XYLT1: variants seen among roughly 807,000 people sequenced by gnomAD.
XYLT1 encodes the protein xylosyltransferase 1, also known as beta-D-xylosyltransferase 1.
XYLT1 carries 36 observed loss-of-function variants against 91.3 expected under a neutral mutation model. That is an observed-to-expected ratio of 0.39 (90% CI 0.30 to 0.52). The LOEUF is 0.52. Among genes scored for constraint, XYLT1 ranks in the 20% least tolerant of loss-of-function variants. The pLI is 0.68. For synonymous variants in XYLT1, 588 were observed against 532.0 expected (o/e 1.11, Z -1.45); for missense variants, 1,242 against 1,284.5 (o/e 0.97, Z 0.51).
In XYLT1 at chr16:17,102,708, A is replaced by C. The variant is rs867181863; in HGVS notation, c.*5987T>G. 24 of 152,546 alleles carry C rather than the reference A, an allele frequency of 1.6e-4. No individual in the cohort carries two copies. The highest frequency in any genetic ancestry group is 5.3e-4 in the African/African-American group (22 of 41,570). The allele number at this position is 152,546 out of a possible 1,614,324, so 9.4% of individuals were successfully genotyped here. ...TACTCCTTTAAATAAATAGCAAAAT[A>C]TCTACATATTTCAGCGTGTGCCATT... On this transcript the variant is annotated 3_prime_UTR_variant, in exon 12 of 12. Transcript: ENST00000261381.
At chr16:17,204,966 CAAAA>C (rs530525798) in intron 3 of XYLT1, among the ~76,000 whole-genome samples, 10,203 of 81,432 alleles carry the variant, frequency 0.13, 295 homozygotes, top group Middle Eastern at 0.17. Context: ...TGCCCAGCTC[CAAAA>C]AAAAAAAAAA....
At chr16:17,162,580 C>T (rs1028202839) in intron 5 of XYLT1, among the ~76,000 whole-genome samples, 3 of 151,960 alleles carry the variant, frequency 2.0e-5, no homozygotes, top group African/African-American at 4.8e-5. Context: ...AGTGAATGAA[C>T]GAGTGAATGA....
intron 1 of XYLT1, among the ~76,000 whole-genome samples, chr16:17,455,866 C>G (rs555188080): frequency 2.6e-5 from 4 of 152,198 alleles, no homozygotes; most frequent in Non-Finnish European, 5.9e-5. Context: ...GCAAAACCTG[C>G]GCTGGACTCT....
intron 1 of XYLT1, among the ~76,000 whole-genome samples, chr16:17,438,241 G>A (rs2036485827): frequency 1.3e-5 from 2 of 152,132 alleles, no homozygotes; most frequent in African/African-American, 2.4e-5. Context: ...AGATGATGAT[G>A]TTAATAGCGC....
intron 2 of XYLT1, among the ~76,000 whole-genome samples, chr16:17,264,427 A>C (rs1252404990): frequency 1.3e-5 from 2 of 152,212 alleles, no homozygotes; most frequent in African/African-American, 2.4e-5. Context: ...TTTGAAGCTA[A>C]CATCCATTGT....
chr16:17,402,688 T>C (rs1310871720), intron 1 of XYLT1, among the ~76,000 whole-genome samples: 2 of 152,104 alleles, frequency 1.3e-5, no homozygotes, highest in East Asian at 1.9e-4. Context: ...GATATTGAGC[T>C]TGTCTTATTC....
intron 11 of XYLT1, among the ~76,000 whole-genome samples, chr16:17,113,893 C>G (rs374780928): frequency 3.9e-5 from 6 of 152,140 alleles, no homozygotes; most frequent in African/African-American, 1.4e-4. Context: ...ATCCACCTGC[C>G]GGGACGGTGG....
At chr16:17,306,125 G>A (rs1030198888) in intron 2 of XYLT1, among the ~76,000 whole-genome samples, 5 of 152,136 alleles carry the variant, frequency 3.3e-5, no homozygotes, top group African/African-American at 9.7e-5. Flanking sequence ...CCCTCCCTCT[G>A]TATGTGGAAA....
At chr16:17,276,778 A>G (rs1413792489) in intron 2 of XYLT1, among the ~76,000 whole-genome samples, 1 of 152,140 alleles carries the variant, frequency 6.6e-6, no homozygotes, top group Admixed American at 6.5e-5. Flanking sequence ...TGAGGATCTG[A>G]AATCCAGCTC....
chr16:17,469,945 G>A (rs897357743), intron 1 of XYLT1, among the ~76,000 whole-genome samples: 6 of 152,126 alleles, frequency 3.9e-5, no homozygotes, highest in Non-Finnish European at 5.9e-5. Flanking sequence ...GGGACGCCCA[G>A]CTCAGCCCTC....
At chr16:17,449,489 G>C (rs2036637974) in intron 1 of XYLT1, among the ~76,000 whole-genome samples, 1 of 152,228 alleles carries the variant, frequency 6.6e-6, no homozygotes, top group Non-Finnish European at 1.5e-5. Flanking sequence ...CCATCAACGG[G>C]ACTTAGCATC....
intron 1 of XYLT1, among the ~76,000 whole-genome samples, chr16:17,363,221 C>A (rs952110156): frequency 1.3e-5 from 2 of 152,174 alleles, no homozygotes; most frequent in African/African-American, 4.8e-5. Context: ...TAGCTGCAGG[C>A]CTAGTAGTGC....
rs192047139 is a variant in XYLT1 at position 17,380,056 on chromosome 16, G to A, written c.364-22006C>T. 3.0e-4 allele frequency among the ~76,000 whole-genome samples: 45 copies of A among 152,248 alleles called. No homozygotes were observed. The South Asian group carries it at 8.3e-3, about 28-fold the overall frequency. ...TAATCCCAGCATTTTGGGAGGCCAA[G>A]GCAGGCGGATCACTTGAGGTCGGGA... On this transcript the variant is annotated intron_variant, in intron 1 of 11. Coordinates refer to ENST00000261381, the MANE Select transcript of XYLT1 (RefSeq NM_022166.4).
intron 9 of XYLT1, among the ~76,000 whole-genome samples, chr16:17,130,414 T>A (rs190211979): frequency 3.4e-4 from 52 of 152,058 alleles, no homozygotes; most frequent in African/African-American, 1.1e-3. Flanking sequence ...AGGAAGAGAG[T>A]GTTTCCAGAA....
chr16:17,134,794 G>A, intron 8 of XYLT1, 59 bp from the exon 9 acceptor site: 3 of 1,589,986 alleles, frequency 1.9e-6, no homozygotes, highest in South Asian at 1.1e-5. Context: ...GGGTTGGGGG[G>A]AACCTAAGGG....
intron 2 of XYLT1, among the ~76,000 whole-genome samples, chr16:17,289,711 G>C (rs1467463569): frequency 6.6e-6 from 1 of 152,106 alleles, no homozygotes; most frequent in Non-Finnish European, 1.5e-5. Context: ...CTTCAGTTCT[G>C]TACCTAGGAA....
chr16:17,210,461 CA>C, intron 3 of XYLT1, among the ~76,000 whole-genome samples: 1 of 152,306 alleles, frequency 6.6e-6, no homozygotes. Flanking sequence ...CCTATAATCC[CA>C]GCTACTCAGG....
At chr16:17,240,262 AGAATGGGT>A (rs2033325548) in intron 3 of XYLT1, among the ~76,000 whole-genome samples, 1 of 152,118 alleles carries the variant, frequency 6.6e-6, no homozygotes, top group Non-Finnish European at 1.5e-5. Flanking sequence ...AGGAACAGGG[AGAATGGGT>A]GAGAATAAAG....
At chr16:17,119,095 C>T (rs1040014317) in intron 10 of XYLT1, among the ~76,000 whole-genome samples, 2 of 152,280 alleles carry the variant, frequency 1.3e-5, no homozygotes, top group Non-Finnish European at 2.9e-5. Context: ...TTCTTTATCT[C>T]CTCCAGCTGT....
Sources: gnomAD v4.1 joint callset for allele counts (sites outside exome capture counted in the v4.1 genomes callset) on GRCh38, gnomAD v4.1.1 for gene constraint, MANE v1.5 for transcripts, NCBI Gene and HGNC (gene_info 2026-07-23, HGNC 2026-07-21) for gene names.